SLC24A2: variants seen among roughly 807,000 people sequenced by gnomAD.
SLC24A2 encodes the protein solute carrier family 24 member 2.
SLC24A2 carries 36 observed loss-of-function variants against 62.0 expected under a neutral mutation model. That is an observed-to-expected ratio of 0.58 (90% confidence interval 0.44 to 0.77). The LOEUF (loss-of-function observed/expected upper bound fraction) is 0.77. Among genes scored for constraint, SLC24A2 ranks in the 30% least tolerant of loss-of-function variants. The probability of loss-of-function intolerance (pLI) is 0.00; values close to 1 mark genes in which losing one functional copy is unlikely to be tolerated. For synonymous variants in SLC24A2, 358 were observed against 294.0 expected (o/e 1.22, Z -2.23); for missense variants, 846 against 817.9 (o/e 1.03, Z -0.42).
At chr9:19,966,235 T>C in the SLC24A2 span, among the ~76,000 whole-genome samples, 8,062 of 152,242 alleles carry the variant, frequency 0.053, 265 homozygotes, top group African/African-American at 0.092. Flanking sequence ...TTTAAGGGTT[T>C]TGGATTGTGT....
the SLC24A2 span, among the ~76,000 whole-genome samples, chr9:20,195,886 T>C: frequency 6.6e-6 from 1 of 151,980 alleles, no homozygotes; most frequent in Non-Finnish European, 1.5e-5. Flanking sequence ...CTACTGTCCA[T>C]GGTATACAAA....
the SLC24A2 span, among the ~76,000 whole-genome samples, chr9:19,828,448 A>T: frequency 1.3e-5 from 2 of 152,238 alleles, no homozygotes; most frequent in African/African-American, 4.8e-5. Context: ...ACCCATAATA[A>T]TTCAAAATAA....
At chr9:20,036,149 G>A in the SLC24A2 span, among the ~76,000 whole-genome samples, 28 of 151,978 alleles carry the variant, frequency 1.8e-4, no homozygotes, top group Non-Finnish European at 2.9e-4. Flanking sequence ...CCTCCCAAGC[G>A]GCAATAACAT....
chr9:19,835,332 T>TC, the SLC24A2 span, among the ~76,000 whole-genome samples: 1 of 152,036 alleles, frequency 6.6e-6, no homozygotes, highest in African/African-American at 2.4e-5. Context: ...AGGAAATCCA[T>TC]CACACATGCA....
chr9:20,130,802 A>G, the SLC24A2 span, among the ~76,000 whole-genome samples: 4 of 152,258 alleles, frequency 2.6e-5, no homozygotes, highest in African/African-American at 9.6e-5. Context: ...TTGCAGATGC[A>G]AGGCAATGGT....
the SLC24A2 span, among the ~76,000 whole-genome samples, chr9:20,094,058 G>A: frequency 1.3e-5 from 2 of 152,114 alleles, no homozygotes; most frequent in Non-Finnish European, 2.9e-5. Flanking sequence ...AATACTAAGA[G>A]GTTATTTTCT....
At chr9:20,065,385 G>A in the SLC24A2 span, among the ~76,000 whole-genome samples, 34 of 152,300 alleles carry the variant, frequency 2.2e-4, no homozygotes, top group East Asian at 6.6e-3. Flanking sequence ...AAAGGCAGAG[G>A]ACAGAGTAAA....
At chr9:19,872,826 A>G in the SLC24A2 span, among the ~76,000 whole-genome samples, 1 of 152,192 alleles carries the variant, frequency 6.6e-6, no homozygotes, top group African/African-American at 2.4e-5. Flanking sequence ...CCCTTATACC[A>G]TAGCAATTTC....
chr9:20,053,800 T>A, the SLC24A2 span, among the ~76,000 whole-genome samples: 1 of 152,150 alleles, frequency 6.6e-6, no homozygotes, highest in Non-Finnish European at 1.5e-5. Context: ...ATATGAGAAA[T>A]AAATTTCTGT....
chr9:19,602,270 C>T (rs778506140), intron 4 of SLC24A2, among the ~76,000 whole-genome samples: 6 of 152,124 alleles, frequency 3.9e-5, no homozygotes, highest in African/African-American at 7.2e-5. Flanking sequence ...TGCTCAAGCT[C>T]ATACATATAG....
the SLC24A2 span, among the ~76,000 whole-genome samples, chr9:20,256,135 A>G: frequency 7.9e-5 from 12 of 152,346 alleles, no homozygotes; most frequent in South Asian, 1.9e-3. Context: ...CACTGCCCTC[A>G]TGGCCTGATC....
At chr9:20,158,390 C>A in the SLC24A2 span, among the ~76,000 whole-genome samples, 1 of 151,580 alleles carries the variant, frequency 6.6e-6, no homozygotes, top group Admixed American at 6.6e-5. Context: ...AGGGGTCCAC[C>A]CCCATGATTC....
intron 10 of SLC24A2, among the ~76,000 whole-genome samples, chr9:19,518,215 T>C (rs1231139774): frequency 6.6e-6 from 1 of 152,108 alleles, no homozygotes; most frequent in Non-Finnish European, 1.5e-5. Flanking sequence ...TAAGTAAATG[T>C]AATGTTATAT....
At chr9:20,277,533 T>C in the SLC24A2 span, among the ~76,000 whole-genome samples, 1 of 151,808 alleles carries the variant, frequency 6.6e-6, no homozygotes, top group Non-Finnish European at 1.5e-5. Flanking sequence ...AAAACCACAA[T>C]GAGATACCAT....
At chr9:19,576,797 A>C (rs1836024364) in intron 6 of SLC24A2, 127 bp downstream of exon 6, 1 of 740,532 alleles carries the variant, frequency 1.4e-6, no homozygotes, top group African/African-American at 1.9e-5. Context: ...CCTGTTGCAC[A>C]GGGAAGGGCT....
the SLC24A2 span, among the ~76,000 whole-genome samples, chr9:19,823,263 A>C: frequency 2.6e-5 from 4 of 151,782 alleles, no homozygotes; most frequent in African/African-American, 4.8e-5. Flanking sequence ...CAAAGAATTT[A>C]TGAATACCCT....
chr9:20,005,435 G>A, the SLC24A2 span, among the ~76,000 whole-genome samples: 3 of 152,038 alleles, frequency 2.0e-5, no homozygotes, highest in Non-Finnish European at 2.9e-5. Context: ...TCTTCACAGT[G>A]GCCTAAGGAA....
chr9:19,593,086 G>C (rs1555999), intron 5 of SLC24A2, among the ~76,000 whole-genome samples: 1 of 152,124 alleles, frequency 6.6e-6, no homozygotes, highest in Non-Finnish European at 1.5e-5. Context: ...GTCATCTTGG[G>C]ACACATGAAC....
the SLC24A2 span, among the ~76,000 whole-genome samples, chr9:20,157,047 C>T: frequency 3.3e-5 from 5 of 151,596 alleles, no homozygotes; most frequent in African/African-American, 9.7e-5. Context: ...AAGGCAAAAA[C>T]CACTTTAAAA....
Sources: gnomAD v4.1 joint callset for allele counts (sites outside exome capture counted in the v4.1 genomes callset) on GRCh38, gnomAD v4.1.1 for gene constraint, MANE v1.5 for transcripts, NCBI Gene and HGNC (gene_info 2026-07-23, HGNC 2026-07-21) for gene names.